Variants in CYSTM1 observed in about 807,000 individuals in gnomAD.
CYSTM1 encodes the protein cysteine rich transmembrane module containing 1.
A neutral mutation model predicts 13.1 loss-of-function variants in CYSTM1; 4 were observed. The observed-to-expected ratio is 0.31, with a 90% CI of 0.15 to 0.70. The LOEUF (loss-of-function observed/expected upper bound fraction) is 0.70, where lower values mean the gene tolerates loss of function less well. CYSTM1 is among the 30% of genes least tolerant of loss of function. The pLI is 0.72. For missense variants in CYSTM1, 96 were observed against 121.6 expected, an observed-to-expected ratio of 0.79 and a Z score of 0.99; for synonymous variants, 36 against 42.7, an observed-to-expected ratio of 0.84 and a Z score of 0.62.
chr5:140,184,688 T>C (rs145800118), intron 1 of CYSTM1, among the ~76,000 whole-genome samples: 1 of 152,326 alleles, frequency 6.6e-6, no homozygotes, highest in African/African-American at 2.4e-5. Flanking sequence ...TGTTTATAAA[T>C]GTTATATCTT....
intron 2 of CYSTM1, among the ~76,000 whole-genome samples, chr5:140,209,552 C>T (rs1764338853): frequency 6.6e-6 from 1 of 152,082 alleles, no homozygotes; most frequent in African/African-American, 2.4e-5. Flanking sequence ...GCCTCAGCCT[C>T]CTGAATAGCT....
chr5:140,223,649 C>T (rs1182459393), intron 2 of CYSTM1, among the ~76,000 whole-genome samples: 1 of 152,230 alleles, frequency 6.6e-6, no homozygotes, highest in Non-Finnish European at 1.5e-5. Context: ...CCCAGAAGAA[C>T]AGAGATCTAT....
intron 2 of CYSTM1, among the ~76,000 whole-genome samples, chr5:140,232,568 G>A (rs756382851): frequency 1.3e-5 from 2 of 152,226 alleles, no homozygotes; most frequent in Non-Finnish European, 2.9e-5. Flanking sequence ...ATTAGGTAAA[G>A]TGAGAACGCA....
intron 2 of CYSTM1, among the ~76,000 whole-genome samples, chr5:140,226,778 A>G (rs1764562164): frequency 6.7e-6 from 1 of 148,832 alleles, no homozygotes; most frequent in South Asian, 2.1e-4. Flanking sequence ...AAAAAAAAAA[A>G]AATGTGGAGG....
chr5:140,200,554 G>A (rs868571121), intron 2 of CYSTM1: 1 of 106,250 alleles, frequency 9.4e-6, no homozygotes, highest in Admixed American at 1.1e-4. Flanking sequence ...TCTTCCCCCC[G>A]GCCTTTTTTT....
chr5:140,192,216 C>T (rs973821099), intron 1 of CYSTM1, among the ~76,000 whole-genome samples: 3 of 152,172 alleles, frequency 2.0e-5, no homozygotes, highest in East Asian at 1.9e-4. Context: ...TAGGTTTAAG[C>T]GCCTACTCCT....
chr5:140,177,773 T>TA (rs1763908983), intron 1 of CYSTM1, among the ~76,000 whole-genome samples: 1 of 152,220 alleles, frequency 6.6e-6, no homozygotes, highest in African/African-American at 2.4e-5. Context: ...AGCTTGTTAA[T>TA]ATTAAGAATC....
chr5:140,213,611 G>GT (rs1354199238), intron 2 of CYSTM1, among the ~76,000 whole-genome samples: 2 of 152,174 alleles, frequency 1.3e-5, no homozygotes, highest in Non-Finnish European at 2.9e-5. Flanking sequence ...TCCATTCATG[G>GT]TAAGTGCTCT....
Position 140,181,762 on chromosome 5 carries a change from C to T in CYSTM1, c.-21+6477C>T, listed in dbSNP as rs182285982. ...TGAGCCACTGCACCTGCAAGAGCCA[C>T]GGGGGCCACTGCCACTGCAAGATAG... On this transcript the variant is annotated intron_variant, in intron 1 of 2. Coordinates refer to ENST00000261811, the MANE Select transcript of CYSTM1 (RefSeq NM_032412.4). Among the ~76,000 whole-genome samples, 5 of 152,336 alleles carry T rather than the reference C, an allele frequency of 3.3e-5. No homozygotes were observed. In the East Asian group the frequency reaches 7.7e-4, roughly 24 times the overall value.
chr5:140,190,327 G>GT (rs5871727), intron 1 of CYSTM1, among the ~76,000 whole-genome samples: 35,045 of 151,560 alleles, frequency 0.23, 4,080 homozygotes, highest in African/African-American at 0.25. Context: ...GTTTTGATCT[G>GT]TTTTTTATGT....
chr5:140,185,107 A>G (rs574555066), intron 1 of CYSTM1, among the ~76,000 whole-genome samples: 1 of 152,372 alleles, frequency 6.6e-6, no homozygotes, highest in South Asian at 2.1e-4. Context: ...ATATGAACTC[A>G]GTTATAAAAG....
At chr5:140,176,737 G>T (rs529284421) in intron 1 of CYSTM1, among the ~76,000 whole-genome samples, 2 of 152,276 alleles carry the variant, frequency 1.3e-5, no homozygotes, top group East Asian at 1.9e-4. Flanking sequence ...TGGATTCGCT[G>T]AAAGGAGTCC....
intron 2 of CYSTM1, 52 bp from the exon 3 acceptor site, chr5:140,243,253 G>A (rs1250518918): frequency 2.0e-6 from 3 of 1,518,134 alleles, no homozygotes; most frequent in East Asian, 2.3e-5. Context: ...ACTTTGCAGG[G>A]CCTGGGGTTT....
chr5:140,191,680 A>G (rs1764097401), intron 1 of CYSTM1, among the ~76,000 whole-genome samples: 1 of 152,246 alleles, frequency 6.6e-6, no homozygotes, highest in Non-Finnish European at 1.5e-5. Context: ...AGAATGATCT[A>G]CGTGGTCTTG....
Position 140,230,915 on chromosome 5 carries a change from C to G in CYSTM1, c.188-12390C>G, listed in dbSNP as rs1764610779. Among the ~76,000 whole-genome samples, 1 of 152,186 alleles carries G rather than the reference C, an allele frequency of 6.6e-6. No homozygotes were observed. The highest frequency in any genetic ancestry group is 1.5e-5 in the Non-Finnish European group (1 of 68,048). On this transcript the variant is annotated intron_variant, in intron 2 of 2. Transcript: ENST00000261811. The surrounding 1 kb of genome is among the most constrained non-coding windows in gnomAD (Gnocchi z 4.1). ...CCAGCACGTGCATAAACACATACCT[C>G]TTATTCTTTTTCGTAATTTTCTTGG...
chr5:140,235,704 C>G (rs775989059), intron 2 of CYSTM1, among the ~76,000 whole-genome samples: 6 of 152,186 alleles, frequency 3.9e-5, no homozygotes, highest in Non-Finnish European at 5.9e-5. Context: ...CGCACCCAGC[C>G]CAGAAAAACA....
At chr5:140,177,986 A>T (rs540108079) in intron 1 of CYSTM1, among the ~76,000 whole-genome samples, 1 of 152,190 alleles carries the variant, frequency 6.6e-6, no homozygotes, top group Admixed American at 6.5e-5. Flanking sequence ...TTCTGCTTTC[A>T]TTCACCCAAG....
At chr5:140,209,723 C>T (rs980060822) in intron 2 of CYSTM1, among the ~76,000 whole-genome samples, 1 of 151,606 alleles carries the variant, frequency 6.6e-6, no homozygotes, top group Non-Finnish European at 1.5e-5. Flanking sequence ...CCACCGTGCC[C>T]AGTAATTTTG....
chr5:140,237,072 C>T (rs530208674), intron 2 of CYSTM1, among the ~76,000 whole-genome samples: 1 of 152,194 alleles, frequency 6.6e-6, no homozygotes, highest in African/African-American at 2.4e-5. Flanking sequence ...ACTCCTTCTC[C>T]CGCACCCTCA....
Sources: gnomAD v4.1 joint callset for allele counts (sites outside exome capture counted in the v4.1 genomes callset) on GRCh38, gnomAD v4.1.1 for gene constraint, Gnocchi (gnomAD v3.1) non-coding constraint, MANE v1.5 for transcripts, NCBI Gene and HGNC (gene_info 2026-07-23, HGNC 2026-07-21) for gene names.